Variants in CAST observed in about 807,000 individuals in gnomAD.
The protein encoded by CAST is calpastatin.
Under a neutral mutation model 119.6 loss-of-function variants are expected in CAST, and 76 were observed. The ratio of observed to expected loss-of-function variants is 0.64; its 90% CI spans 0.53 to 0.77. CAST has a LOEUF of 0.77. Ranked by LOEUF, CAST falls within the 30% of genes least tolerant of loss-of-function variation. The pLI is 0.00. For missense variants in CAST, 953 were observed against 946.5 expected (o/e 1.01, Z -0.09); for synonymous variants, 319 against 331.6 (o/e 0.96, Z 0.41).
At chr5:96,258,678 G>C in the CAST span, among the ~76,000 whole-genome samples, 5 of 152,100 alleles carry the variant, frequency 3.3e-5, no homozygotes, top group African/African-American at 1.2e-4. Flanking sequence ...AGAAAACCAG[G>C]TCACTTTATC....
At chr5:96,058,874 G>A in the CAST span, among the ~76,000 whole-genome samples, 1 of 152,120 alleles carries the variant, frequency 6.6e-6, no homozygotes. Flanking sequence ...ACAGTCTGAA[G>A]GCAAAAATGC....
At chr5:96,293,968 C>T in the CAST span, among the ~76,000 whole-genome samples, 1 of 152,006 alleles carries the variant, frequency 6.6e-6, no homozygotes, top group Non-Finnish European at 1.5e-5. Context: ...CCATGTTGGC[C>T]AGGCTGGTCT....
the CAST span, chr5:96,426,071 C>G: frequency 1.5e-6 from 1 of 682,474 alleles, no homozygotes; most frequent in South Asian, 1.6e-5. Context: ...AAACTGGCAC[C>G]TCAGTGAGAA....
chr5:96,084,026 G>A, the CAST span, among the ~76,000 whole-genome samples: 1 of 152,182 alleles, frequency 6.6e-6, no homozygotes, highest in Non-Finnish European at 1.5e-5. Flanking sequence ...AATGTGTAAA[G>A]CATTTAGAAC....
chr5:96,765,146 T>TG (rs1769398322), intron 25 of CAST, 75 bp from the exon 26 acceptor site: 1 of 832,238 alleles, frequency 1.2e-6, no homozygotes, highest in African/African-American at 1.7e-5. Context: ...CCTGAAAAGA[T>TG]GGAGTTCCTG....
At chr5:96,491,783 A>G in the CAST span, among the ~76,000 whole-genome samples, 2 of 152,212 alleles carry the variant, frequency 1.3e-5, no homozygotes, top group Non-Finnish European at 2.9e-5. Context: ...AGAATGATAA[A>G]TAAATTGTGC....
the CAST span, among the ~76,000 whole-genome samples, chr5:96,414,483 C>T: frequency 6.6e-6 from 1 of 152,160 alleles, no homozygotes; most frequent in African/African-American, 2.4e-5. Context: ...AATCTGTTAA[C>T]CACCAGGATA....
intron 2 of CAST, among the ~76,000 whole-genome samples, chr5:96,684,944 G>A (rs2150275921): frequency 6.7e-6 from 1 of 149,886 alleles, no homozygotes; most frequent in South Asian, 2.1e-4. Context: ...TGAAAATAAT[G>A]TGCCTTTAAA....
At chr5:96,584,693 TCATTAGAATCCAGAAGTTTA>T (rs1401735105) in intron 1 of CAST, 1 of 125,238 alleles carries the variant, frequency 8.0e-6, no homozygotes, top group Non-Finnish European at 1.9e-5. Flanking sequence ...GAAGCTGGGG[TCATTAGAATCCAGAAGTTTA>T]GAGGAGGAGT....
intron 1 of CAST, among the ~76,000 whole-genome samples, chr5:96,534,747 A>AAGAGAAAG (rs1400894061): frequency 0.097 from 2,757 of 28,476 alleles, 536 homozygotes; most frequent in South Asian, 0.17. Flanking sequence ...GAGAGAAAGA[A>AAGAGAAAG]AGAAAGAAAG....
the CAST span, chr5:95,980,444 G>A: frequency 1.3e-5 from 2 of 152,270 alleles, no homozygotes; most frequent in South Asian, 4.1e-4. Flanking sequence ...CAGCCTGAAA[G>A]TTCATCTTTT....
chr5:96,065,225 T>C, the CAST span, among the ~76,000 whole-genome samples: 1 of 152,044 alleles, frequency 6.6e-6, no homozygotes, highest in Non-Finnish European at 1.5e-5. Context: ...ACTTTGAAAG[T>C]ATATTAATGA....
At chr5:96,023,782 T>C in the CAST span, among the ~76,000 whole-genome samples, 1 of 151,524 alleles carries the variant, frequency 6.6e-6, no homozygotes, top group African/African-American at 2.4e-5. Flanking sequence ...CCCAGTTAAA[T>C]AAGAGGAGTA....
intron 1 of CAST, among the ~76,000 whole-genome samples, chr5:96,610,983 G>A (rs1040870634): frequency 2.0e-5 from 3 of 152,014 alleles, no homozygotes; most frequent in Non-Finnish European, 4.4e-5. Flanking sequence ...GGGGAAAGAT[G>A]TCTGCAAAGA....
At chr5:96,550,856 A>G (rs1335229455) in intron 1 of CAST, among the ~76,000 whole-genome samples, 3 of 152,238 alleles carry the variant, frequency 2.0e-5, no homozygotes, top group Non-Finnish European at 2.9e-5. Context: ...GCAAGAAGAC[A>G]AGATTAGAGA....
At chr5:96,209,145 C>T in the CAST span, among the ~76,000 whole-genome samples, 6 of 151,784 alleles carry the variant, frequency 4.0e-5, no homozygotes, top group Non-Finnish European at 7.4e-5. Context: ...GGAGCCCCTC[C>T]CTTTTTTTTC....
intron 1 of CAST, chr5:96,546,353 G>T (rs1304351320): frequency 6.6e-6 from 1 of 152,118 alleles, no homozygotes; most frequent in Non-Finnish European, 1.5e-5. Flanking sequence ...CCCAAGCCTG[G>T]TCTTTTATAT....
the CAST span, among the ~76,000 whole-genome samples, chr5:95,981,284 C>T: frequency 4.6e-5 from 7 of 152,288 alleles, no homozygotes; most frequent in East Asian, 1.9e-4. Context: ...TTTCTGACCA[C>T]GTATCCTGTG....
chr5:96,635,004 C>A (rs1490945868), intron 1 of CAST, among the ~76,000 whole-genome samples: 10 of 152,180 alleles, frequency 6.6e-5, no homozygotes, highest in Non-Finnish European at 4.4e-5. Flanking sequence ...TACAGACTTA[C>A]AGTATCAGAG....
Sources: allele counts gnomAD v4.1 joint callset (sites outside exome capture counted in the v4.1 genomes callset), GRCh38; gene constraint gnomAD v4.1.1; transcripts MANE v1.5; gene names NCBI Gene and HGNC (gene_info 2026-07-23, HGNC 2026-07-21).